The following SEMA3A variants were observed in gnomAD, a reference collection of about 807,000 sequenced individuals.
SEMA3A encodes semaphorin 3A, also known as semaphorin-3A.
In SEMA3A, 29 loss-of-function variants were observed where a neutral mutation model predicts 97.9. That is an observed-to-expected ratio of 0.30 (90% CI 0.22 to 0.40). The LOEUF (loss-of-function observed/expected upper bound fraction) is 0.40. Ranked by LOEUF, SEMA3A falls within the 10% of genes least tolerant of loss-of-function variation. SEMA3A has a pLI of 1.00. For missense variants in SEMA3A, 763 were observed against 951.3 expected, an observed-to-expected ratio of 0.80 and a Z score of 2.60; for synonymous variants, 321 against 323.7, an observed-to-expected ratio of 0.99 and a Z score of 0.09.
At chr7:84,072,388 A>C (rs1384153875) in intron 4 of SEMA3A, among the ~76,000 whole-genome samples, 1 of 152,052 alleles carries the variant, frequency 6.6e-6, no homozygotes, top group Admixed American at 6.6e-5. Context: ...GTATCCCATC[A>C]TTCCAGTTGT....
chr7:84,064,502 A>T (rs1241618585), intron 4 of SEMA3A, among the ~76,000 whole-genome samples: 1 of 152,188 alleles, frequency 6.6e-6, no homozygotes, highest in Admixed American at 6.5e-5. Flanking sequence ...AAGAGCCATC[A>T]GTGTGCTGTA....
chr7:84,050,670 T>C (rs1246608301), intron 5 of SEMA3A, among the ~76,000 whole-genome samples: 1 of 152,186 alleles, frequency 6.6e-6, no homozygotes, highest in African/African-American at 2.4e-5. Flanking sequence ...GCCTGTTCAC[T>C]CTGATGGTAG....
chr7:84,286,075 T>G (rs1800581839), intron 3 of SEMA3A, among the ~76,000 whole-genome samples: 1 of 152,100 alleles, frequency 6.6e-6, no homozygotes, highest in South Asian at 2.1e-4. Flanking sequence ...CTGTAAGGAT[T>G]AAAATTCCAC....
At chr7:84,445,514 A>AG (rs1805390013) in intron 1 of SEMA3A, among the ~76,000 whole-genome samples, 1 of 145,888 alleles carries the variant, frequency 6.9e-6, no homozygotes, top group African/African-American at 2.5e-5. Flanking sequence ...AAAAAAAAAA[A>AG]AAAAAAGAAA....
At chr7:84,252,099 T>C (rs1406208358) in intron 3 of SEMA3A, among the ~76,000 whole-genome samples, 7 of 152,312 alleles carry the variant, frequency 4.6e-5, no homozygotes, top group Admixed American at 3.9e-4. Flanking sequence ...CAATGGACTC[T>C]TCTGAGTAAC....
intron 1 of SEMA3A, among the ~76,000 whole-genome samples, chr7:84,377,302 T>C (rs943633454): frequency 6.6e-6 from 1 of 152,188 alleles, no homozygotes; most frequent in Admixed American, 6.5e-5. Flanking sequence ...ATGCTCTTAG[T>C]GCCTTTGTTG....
chr7:84,146,666 C>G (rs1209139424), intron 1 of SEMA3A, among the ~76,000 whole-genome samples: 3 of 152,102 alleles, frequency 2.0e-5, no homozygotes, highest in African/African-American at 7.2e-5. Context: ...TTCAAACGTG[C>G]ATTGCTATCG....
chr7:84,401,492 A>G (rs1351098353), intron 1 of SEMA3A, among the ~76,000 whole-genome samples: 1 of 71,250 alleles, frequency 1.4e-5, no homozygotes, highest in Admixed American at 1.5e-4. Context: ...ACAGAAATAG[A>G]AAAAAAAAAA....
intron 3 of SEMA3A, among the ~76,000 whole-genome samples, chr7:84,304,002 A>G (rs973452514): frequency 1.3e-5 from 2 of 152,086 alleles, no homozygotes; most frequent in Non-Finnish European, 2.9e-5. Context: ...TTTTAACTCA[A>G]TTCACTGGCC....
At chr7:84,055,656 A>T (rs1034479432) in intron 5 of SEMA3A, among the ~76,000 whole-genome samples, 10 of 151,992 alleles carry the variant, frequency 6.6e-5, no homozygotes, top group Admixed American at 6.5e-4. Flanking sequence ...TGCAGAAATC[A>T]CCCGTCTTCT....
At chr7:84,386,263 T>C (rs545702432) in intron 1 of SEMA3A, among the ~76,000 whole-genome samples, 37 of 152,318 alleles carry the variant, frequency 2.4e-4, no homozygotes, top group African/African-American at 8.2e-4. Context: ...GGCTTATTTC[T>C]GATTCATTCC....
intron 3 of SEMA3A, among the ~76,000 whole-genome samples, chr7:84,246,404 A>G (rs1799478036): frequency 6.6e-6 from 1 of 152,218 alleles, no homozygotes; most frequent in East Asian, 1.9e-4. Flanking sequence ...TGTCAAAAAT[A>G]AAATGAAATA....
At chr7:84,412,793 ACT>A (rs1426214765) in intron 1 of SEMA3A, among the ~76,000 whole-genome samples, 2 of 152,180 alleles carry the variant, frequency 1.3e-5, no homozygotes, top group Admixed American at 1.3e-4. Context: ...AGAAGCAAAC[ACT>A]ATGGTTGAGT....
At chr7:84,452,406 A>G (rs1805578426) in intron 1 of SEMA3A, among the ~76,000 whole-genome samples, 2 of 152,108 alleles carry the variant, frequency 1.3e-5, no homozygotes. Flanking sequence ...ATTGTTTGAG[A>G]GTTGACATGG....
chr7:84,271,840 A>G (rs1169680046), intron 3 of SEMA3A, among the ~76,000 whole-genome samples: 1 of 152,148 alleles, frequency 6.6e-6, no homozygotes, highest in African/African-American at 2.4e-5. Flanking sequence ...CAGAAAGCAC[A>G]GTATCAACCA....
chr7:84,424,487 G>T (rs184099494), intron 1 of SEMA3A, among the ~76,000 whole-genome samples: 5 of 77,192 alleles, frequency 6.5e-5, no homozygotes, highest in African/African-American at 9.6e-5. Flanking sequence ...ATAATATATT[G>T]ATATATAATA....
intron 3 of SEMA3A, among the ~76,000 whole-genome samples, chr7:84,114,628 T>C (rs1428847356): frequency 6.6e-6 from 1 of 152,150 alleles, no homozygotes; most frequent in East Asian, 1.9e-4. Context: ...GACTTTCTTT[T>C]TCTCTGGTCA....
intron 3 of SEMA3A, among the ~76,000 whole-genome samples, chr7:84,277,331 T>C (rs1417371383): frequency 6.6e-6 from 1 of 152,086 alleles, no homozygotes; most frequent in Non-Finnish European, 1.5e-5. Context: ...TAGATATAGA[T>C]AGAGACGTAA....
chr7:84,244,737 C>T (rs751653324), intron 3 of SEMA3A, among the ~76,000 whole-genome samples: 8 of 152,022 alleles, frequency 5.3e-5, no homozygotes, highest in Admixed American at 1.3e-4. Context: ...TTTTTCCTTT[C>T]CATATTTAGT....
Sources: allele counts gnomAD v4.1 joint callset (sites outside exome capture counted in the v4.1 genomes callset), GRCh38; gene constraint gnomAD v4.1.1; transcripts MANE v1.5; gene names NCBI Gene and HGNC (gene_info 2026-07-23, HGNC 2026-07-21).